The following FSTL5 variants were observed in gnomAD, a reference collection of about 807,000 sequenced individuals.
The protein encoded by FSTL5 is follistatin-related protein 5.
Under a neutral mutation model 89.1 loss-of-function variants are expected in FSTL5, and 62 were observed. The observed-to-expected ratio is 0.70, with a 90% CI of 0.57 to 0.86. The LOEUF is 0.86. Ranked by LOEUF, FSTL5 falls within the 40% of genes least tolerant of loss-of-function variation. FSTL5 has a pLI of 0.00. For synonymous variants in FSTL5, 383 were observed against 346.2 expected (o/e 1.11, Z -1.18); for missense variants, 1,057 against 1,001.6 (o/e 1.06, Z -0.75).
intron 2 of FSTL5, among the ~76,000 whole-genome samples, chr4:162,085,936 G>A (rs1479067069): frequency 6.6e-6 from 1 of 151,992 alleles, no homozygotes; most frequent in Non-Finnish European, 1.5e-5. Flanking sequence ...ACATTACGTA[G>A]GGGCTCCTGA....
At chr4:162,035,140 T>C (rs1483562) in intron 2 of FSTL5, 2 of 151,590 alleles carry the variant, frequency 1.3e-5, no homozygotes, top group African/African-American at 4.8e-5. Flanking sequence ...CATTCATTCA[T>C]TCAGTCAGTC....
At chr4:161,483,783 T>A (rs760581684) in intron 12 of FSTL5, among the ~76,000 whole-genome samples, 1 of 152,048 alleles carries the variant, frequency 6.6e-6, no homozygotes, top group Non-Finnish European at 1.5e-5. Context: ...AAAAATAAGA[T>A]TAAGATAATA....
At position 161,892,934 on chromosome 4, in the gene FSTL5, A is replaced by C. The variant is rs139225841; in HGVS notation, c.409+27470T>G. On this transcript the variant is annotated intron_variant, in intron 4 of 15. Coordinates refer to ENST00000306100, the MANE Select transcript of FSTL5 (RefSeq NM_020116.5). Reference sequence around the variant, plus strand: ...ATTTGCCATAATGTTGTATTTTCTTAGTTTGTATGTTCATATCTTTTTCTT... The same window carrying C: ...ATTTGCCATAATGTTGTATTTTCTTCGTTTGTATGTTCATATCTTTTTCTT... 3.3e-4 allele frequency among the ~76,000 whole-genome samples: 50 copies of C among 152,178 alleles called. 1 individual carries two copies. The East Asian group carries it at 7.5e-3, about 23-fold the overall frequency.
chr4:161,504,208 A>C (rs1277540347), intron 11 of FSTL5, among the ~76,000 whole-genome samples: 2 of 151,976 alleles, frequency 1.3e-5, no homozygotes, highest in South Asian at 4.1e-4. Flanking sequence ...CATATTTTAA[A>C]AATTTCTATT....
intron 3 of FSTL5, among the ~76,000 whole-genome samples, chr4:161,929,681 G>GTGTGTGTGTGTGTA (rs1553983436): frequency 8.7e-6 from 1 of 115,448 alleles, no homozygotes; most frequent in South Asian, 2.9e-4. Flanking sequence ...GTGTGTGTGT[G>GTGTGTGTGTGTGTA]TGTGTGTGTG....
intron 3 of FSTL5, among the ~76,000 whole-genome samples, chr4:161,977,149 T>C (rs546759610): frequency 1.3e-5 from 2 of 152,298 alleles, no homozygotes; most frequent in South Asian, 2.1e-4. Flanking sequence ...TGGGACATGA[T>C]AGATCAAAAT....
intron 3 of FSTL5, among the ~76,000 whole-genome samples, chr4:161,926,987 T>C (rs1476788424): frequency 6.6e-6 from 1 of 151,842 alleles, no homozygotes; most frequent in East Asian, 1.9e-4. Context: ...GAATTTATGA[T>C]ATTTAAGGTC....
chr4:162,123,798 T>G (rs1396374684), intron 1 of FSTL5, among the ~76,000 whole-genome samples: 1 of 148,866 alleles, frequency 6.7e-6, no homozygotes, highest in Non-Finnish European at 1.5e-5. Context: ...TTTGGACCAG[T>G]GTCTCAAGTT....
chr4:161,786,005 C>A (rs1741891441), intron 4 of FSTL5, among the ~76,000 whole-genome samples: 1 of 151,970 alleles, frequency 6.6e-6, no homozygotes, highest in African/African-American at 2.4e-5. Flanking sequence ...CTTTTACATT[C>A]ATTCTCTTTG....
intron 6 of FSTL5, among the ~76,000 whole-genome samples, chr4:161,697,096 C>T (rs1738197246): frequency 6.6e-6 from 1 of 152,224 alleles, no homozygotes; most frequent in South Asian, 2.1e-4. Context: ...TGTCAACACA[C>T]AACTCAGATC....
intron 5 of FSTL5, among the ~76,000 whole-genome samples, chr4:161,775,666 C>T (rs1173462793): frequency 6.6e-6 from 1 of 151,906 alleles, no homozygotes; most frequent in Non-Finnish European, 1.5e-5. Flanking sequence ...GTAGATATCT[C>T]TTTTTAAACT....
intron 2 of FSTL5, among the ~76,000 whole-genome samples, chr4:162,052,861 TAG>T (rs955204754): frequency 8.6e-5 from 13 of 151,844 alleles, no homozygotes; most frequent in African/African-American, 3.1e-4. Flanking sequence ...TGTTGTATAA[TAG>T]ATCTCTTGAA....
At chr4:162,076,554 C>T (rs942181669) in intron 2 of FSTL5, among the ~76,000 whole-genome samples, 3 of 151,776 alleles carry the variant, frequency 2.0e-5, no homozygotes, top group Non-Finnish European at 2.9e-5. Flanking sequence ...CACAATTATT[C>T]GATGAAATAT....
At chr4:161,833,388 C>T (rs1730914783) in intron 4 of FSTL5, among the ~76,000 whole-genome samples, 4 of 147,848 alleles carry the variant, frequency 2.7e-5, no homozygotes, top group African/African-American at 1.0e-4. Context: ...CTGTAGATGT[C>T]TATTAGGTCC....
chr4:162,116,587 G>A (rs1370268338), intron 1 of FSTL5, among the ~76,000 whole-genome samples: 2 of 152,142 alleles, frequency 1.3e-5, no homozygotes, highest in Admixed American at 1.3e-4. Flanking sequence ...TGGAGGTTGG[G>A]GAGGCTACAT....
At chr4:161,474,311 A>C (rs1224557656) in intron 13 of FSTL5, among the ~76,000 whole-genome samples, 2 of 152,166 alleles carry the variant, frequency 1.3e-5, no homozygotes, top group Non-Finnish European at 2.9e-5. Flanking sequence ...AATTATTTTA[A>C]ACGCATTATT....
At chr4:161,678,334 A>G (rs1375701660) in intron 6 of FSTL5, among the ~76,000 whole-genome samples, 1 of 151,904 alleles carries the variant, frequency 6.6e-6, no homozygotes, top group Admixed American at 6.6e-5. Flanking sequence ...CAGGAAAAAC[A>G]GAATAGTGTC....
At chr4:161,641,577 C>G (rs1177068966) in intron 7 of FSTL5, among the ~76,000 whole-genome samples, 1 of 151,258 alleles carries the variant, frequency 6.6e-6, no homozygotes, top group Non-Finnish European at 1.5e-5. Context: ...CTGTAACCTC[C>G]ACCTCCCGGG....
chr4:161,839,917 T>G (rs2126870710), intron 4 of FSTL5, among the ~76,000 whole-genome samples: 1 of 152,326 alleles, frequency 6.6e-6, no homozygotes. Flanking sequence ...TGAATGAGTT[T>G]GCTTCAGGAG....
Sources: allele counts gnomAD v4.1 joint callset (sites outside exome capture counted in the v4.1 genomes callset), GRCh38; gene constraint gnomAD v4.1.1; transcripts MANE v1.5; gene names NCBI Gene and HGNC (gene_info 2026-07-23, HGNC 2026-07-21).